The following GLMN variants were observed in gnomAD, a reference collection of about 807,000 sequenced individuals.
GLMN encodes glomulin, FKBP associated protein, also known as glomulin.
GLMN carries 75 observed loss-of-function variants against 87.8 expected under a neutral mutation model. The ratio of observed to expected loss-of-function variants is 0.85; its 90% CI spans 0.71 to 1.04. GLMN has a LOEUF of 1.04. GLMN is among the 50% of genes least tolerant of loss of function. The pLI, the probability that GLMN is intolerant of heterozygous loss-of-function variation, is 0.00. For synonymous variants in GLMN, 206 were observed against 221.6 expected, an observed-to-expected ratio of 0.93 and a Z score of 0.63; for missense variants, 588 against 658.8, an observed-to-expected ratio of 0.89 and a Z score of 1.18.
intron 3 of GLMN, among the ~76,000 whole-genome samples, chr1:92,295,673 T>A (rs1435323794): frequency 6.6e-6 from 1 of 151,912 alleles, no homozygotes; most frequent in Non-Finnish European, 1.5e-5. Context: ...TAGAGCAGAG[T>A]GGTTAGGAGC....
chr1:92,307,148 CATG>C, the GLMN span: 2 of 1,393,622 alleles, frequency 1.4e-6, no homozygotes, highest in East Asian at 4.6e-5. Flanking sequence ...GGTAATGTTT[CATG>C]ATAAGAAAAA....
chr1:92,320,841 T>C, the GLMN span, among the ~76,000 whole-genome samples: 1 of 152,214 alleles, frequency 6.6e-6, no homozygotes, highest in Non-Finnish European at 1.5e-5. Context: ...TGATTTATTG[T>C]ACAGCTGTTC....
In GLMN at chr1:92,298,930, A is replaced by G. The variant is rs1484794839; in HGVS notation, c.-36T>C. 9 of 478,418 alleles carry G rather than the reference A, an allele frequency of 1.9e-5. No individual in the cohort carries two copies. The highest frequency in any genetic ancestry group is 2.6e-5 in the Non-Finnish European group (7 of 268,738). The allele number at this position is 478,418 out of a possible 1,614,324, so 29.6% of individuals were successfully genotyped here. On this transcript the variant is annotated 5_prime_UTR_variant, in exon 1 of 19. Coordinates refer to ENST00000370360, the MANE Select transcript of GLMN (RefSeq NM_053274.3). Reference sequence around the variant, plus strand: ...CTCTCCACAACTCCACTTACCGGCCAGAACCCTCGCCTCTCCCAGCCGCCG... The same window carrying G: ...CTCTCCACAACTCCACTTACCGGCCGGAACCCTCGCCTCTCCCAGCCGCCG...
the GLMN span, among the ~76,000 whole-genome samples, chr1:92,355,307 G>C: frequency 6.6e-6 from 1 of 152,016 alleles, no homozygotes; most frequent in Non-Finnish European, 1.5e-5. Flanking sequence ...CCTTGTACAA[G>C]TTACTTAACT....
At chr1:92,350,569 C>T in the GLMN span, among the ~76,000 whole-genome samples, 4 of 152,034 alleles carry the variant, frequency 2.6e-5, no homozygotes, top group South Asian at 2.1e-4. Flanking sequence ...ACTAAATATG[C>T]CCTATTGAGA....
At chr1:92,325,528 T>A in the GLMN span, among the ~76,000 whole-genome samples, 1 of 152,054 alleles carries the variant, frequency 6.6e-6, no homozygotes, top group South Asian at 2.1e-4. Flanking sequence ...AAGGAAAAAA[T>A]AATCCCTGAA....
chr1:92,254,217 A>G lies in GLMN; in HGVS notation c.1474-6228T>C, dbSNP rs61042789. Among the ~76,000 whole-genome samples, 1,058 of 152,272 alleles carry G rather than the reference A, an allele frequency of 6.9e-3. 12 individuals are homozygous for G. Among genetic ancestry groups the G allele is most frequent in the African/African-American group, 0.024 (1,008 of 41,564 alleles). ...ATAAAGTGTGAAGACAAGATTAGAG[A>G]AAAAAAGAATGAAAAGGAATGAACA... On this transcript the variant is annotated intron_variant, in intron 16 of 18. Transcript: ENST00000370360.
intron 16 of GLMN, among the ~76,000 whole-genome samples, chr1:92,252,097 C>T (rs1054033135): frequency 3.3e-5 from 5 of 152,182 alleles, no homozygotes; most frequent in African/African-American, 1.2e-4. Context: ...TATAATCATT[C>T]ATTGGTACAA....
At chr1:92,285,216 A>G (rs1375325717) in intron 7 of GLMN, among the ~76,000 whole-genome samples, 1 of 152,178 alleles carries the variant, frequency 6.6e-6, no homozygotes, top group African/African-American at 2.4e-5. Flanking sequence ...AACCAACCCA[A>G]ATGTCCATCA....
the GLMN span, among the ~76,000 whole-genome samples, chr1:92,368,256 G>T: frequency 6.6e-6 from 1 of 152,160 alleles, no homozygotes; most frequent in Non-Finnish European, 1.5e-5. Flanking sequence ...GTGGGCACCT[G>T]TAATGCCAGC....
intron 3 of GLMN, among the ~76,000 whole-genome samples, chr1:92,296,592 A>T (rs904745270): frequency 1.3e-5 from 2 of 152,036 alleles, no homozygotes; most frequent in East Asian, 1.9e-4. Flanking sequence ...ATTCAAGGTG[A>T]GATCTGGGTG....
intron 16 of GLMN, among the ~76,000 whole-genome samples, chr1:92,261,845 G>GTGATAGACAGAGGGTGGAGTGAT (rs1655094655): frequency 1.3e-5 from 2 of 152,150 alleles, no homozygotes; most frequent in East Asian, 1.9e-4. Context: ...AGAGGGTGGA[G>GTGATAGACAGAGGGTGGAGTGAT]TGATAGATAC....
intron 14 of GLMN, among the ~76,000 whole-genome samples, chr1:92,264,270 G>A (rs1337251312): frequency 6.6e-6 from 1 of 152,056 alleles, no homozygotes; most frequent in Non-Finnish European, 1.5e-5. Flanking sequence ...CTGAGATCAT[G>A]CCACTGCACT....
intron 16 of GLMN, among the ~76,000 whole-genome samples, chr1:92,254,910 T>C (rs1388948986): frequency 3.3e-5 from 5 of 152,202 alleles, no homozygotes; most frequent in African/African-American, 7.2e-5. Flanking sequence ...GATAACGATA[T>C]TAACTTTAAA....
the GLMN span, among the ~76,000 whole-genome samples, chr1:92,350,456 G>C: frequency 2.0e-4 from 31 of 152,066 alleles, no homozygotes; most frequent in East Asian, 5.6e-3. Context: ...TTGTAATTTT[G>C]CATCTTAGTT....
Position 92,264,553 on chromosome 1 carries a change from C to T in GLMN, c.1299+1G>A, listed in dbSNP as rs919207933. On this transcript the variant is annotated splice_donor_variant, in intron 14 of 18. Coordinates refer to ENST00000370360, the MANE Select transcript of GLMN (RefSeq NM_053274.3). LOFTEE classifies it high-confidence loss of function. ...AATTGACACTTTGGCTATGTTCTTA[C>T]CTTTAATGACATGTCAATTTGATTT... 1.4e-6 allele frequency: 2 copies of T among 1,440,664 alleles called. No homozygotes were observed. Among genetic ancestry groups the T allele is most frequent in the South Asian group, 1.1e-5 (1 of 87,494 alleles). The allele number at this position is 1,440,664 out of a possible 1,614,324, so 89.2% of individuals were successfully genotyped here. A position where few individuals can be genotyped will look rare whatever the true frequency, so the allele number is the denominator to read the frequency against.
At chr1:92,366,347 C>T in the GLMN span, among the ~76,000 whole-genome samples, 1 of 152,188 alleles carries the variant, frequency 6.6e-6, no homozygotes, top group Non-Finnish European at 1.5e-5. Flanking sequence ...GACCTCTTGG[C>T]ATTTGTTTCC....
chr1:92,314,345 T>A, the GLMN span, among the ~76,000 whole-genome samples: 1 of 146,998 alleles, frequency 6.8e-6, no homozygotes, highest in Admixed American at 6.6e-5. Context: ...GTTTTTTGGT[T>A]TTTGGGTTTT....
chr1:92,269,966 T>C (rs1656067011), intron 8 of GLMN, among the ~76,000 whole-genome samples, 190 bp from the exon 9 acceptor site: 1 of 152,194 alleles, frequency 6.6e-6, no homozygotes, highest in African/African-American at 2.4e-5. Context: ...AATGAGATTA[T>C]TAGGGTGGGC....
Sources: gnomAD v4.1 joint callset for allele counts (sites outside exome capture counted in the v4.1 genomes callset) on GRCh38, gnomAD v4.1.1 for gene constraint, MANE v1.5 for transcripts, NCBI Gene and HGNC (gene_info 2026-07-23, HGNC 2026-07-21) for gene names.